ROR1: variants seen among roughly 807,000 people sequenced by gnomAD.
ROR1 encodes the protein ROR family WNT receptor 1.
A neutral mutation model predicts 78.8 loss-of-function variants in ROR1; 19 were observed. That is an observed-to-expected ratio of 0.24 (90% CI 0.17 to 0.35). The LOEUF (loss-of-function observed/expected upper bound fraction) is 0.35, where lower values mean the gene tolerates loss of function less well. Among genes scored for constraint, ROR1 ranks in the 10% least tolerant of loss-of-function variants. The probability of loss-of-function intolerance (pLI) is 1.00; values close to 1 mark genes in which losing one functional copy is unlikely to be tolerated. For synonymous variants in ROR1, 386 were observed against 433.6 expected (o/e 0.89, Z 1.36); for missense variants, 917 against 1,177.8 (o/e 0.78, Z 3.24).
intron 4 of ROR1, among the ~76,000 whole-genome samples, chr1:64,076,029 G>A (rs1237732559): frequency 6.6e-6 from 1 of 152,202 alleles, no homozygotes; most frequent in African/African-American, 2.4e-5. Context: ...GTTACTGTGG[G>A]TCTTCCTGTC....
At chr1:64,146,690 C>T (rs1368140211) in intron 7 of ROR1, among the ~76,000 whole-genome samples, 2 of 146,192 alleles carry the variant, frequency 1.4e-5, no homozygotes, top group Non-Finnish European at 3.1e-5. Flanking sequence ...ACAAATTATA[C>T]CTAAAGTACT....
intron 2 of ROR1, among the ~76,000 whole-genome samples, chr1:64,030,504 T>C (rs2100568422): frequency 6.6e-6 from 1 of 152,296 alleles, no homozygotes; most frequent in South Asian, 2.1e-4. Flanking sequence ...AAACCACATT[T>C]CCAAAAAGTG....
intron 1 of ROR1, among the ~76,000 whole-genome samples, chr1:63,970,702 C>A (rs12074174): frequency 1.3e-3 from 200 of 152,304 alleles, no homozygotes; most frequent in African/African-American, 4.5e-3. Context: ...TCACTGACAG[C>A]GTCTTCTGCC....
At chr1:64,112,321 A>G (rs148421549) in intron 4 of ROR1, 3 of 152,158 alleles carry the variant, frequency 2.0e-5, no homozygotes, top group African/African-American at 2.4e-5. Context: ...GATCCTCATC[A>G]TAACCACATG....
At chr1:63,969,569 C>T (rs1190744672) in intron 1 of ROR1, among the ~76,000 whole-genome samples, 1 of 152,136 alleles carries the variant, frequency 6.6e-6, no homozygotes, top group Admixed American at 6.5e-5. Context: ...CACTTCTCTT[C>T]CCTGCAAACT....
chr1:64,038,019 C>T (rs951386552), intron 2 of ROR1, among the ~76,000 whole-genome samples: 4 of 152,198 alleles, frequency 2.6e-5, no homozygotes, highest in Non-Finnish European at 4.4e-5. Context: ...GAGCATAAAA[C>T]AGCCCTTTCC....
intron 1 of ROR1, among the ~76,000 whole-genome samples, chr1:63,844,774 C>G (rs1343501657): frequency 1.3e-5 from 2 of 152,036 alleles, no homozygotes; most frequent in African/African-American, 4.8e-5. Flanking sequence ...TAAAGCAGCC[C>G]CTTCTAGGCA....
chr1:63,822,052 G>A (rs1220606194), intron 1 of ROR1, among the ~76,000 whole-genome samples: 6 of 152,200 alleles, frequency 3.9e-5, no homozygotes, highest in African/African-American at 1.4e-4. Flanking sequence ...GAAGCTTGCC[G>A]TGATGAATCC....
At chr1:63,842,331 G>A (rs754554792) in intron 1 of ROR1, among the ~76,000 whole-genome samples, 1 of 152,180 alleles carries the variant, frequency 6.6e-6, no homozygotes, top group Non-Finnish European at 1.5e-5. Flanking sequence ...CATAGCAATA[G>A]CAATAGCCAG....
chr1:64,117,454 G>A (rs34464772), intron 4 of ROR1, among the ~76,000 whole-genome samples: 8,897 of 152,088 alleles, frequency 0.058, 349 homozygotes, highest in South Asian at 0.11. Flanking sequence ...ACCAGTGAGC[G>A]GGGGAAGAAT....
chr1:64,055,077 A>G (rs1295680702), intron 4 of ROR1, among the ~76,000 whole-genome samples: 1 of 152,144 alleles, frequency 6.6e-6, no homozygotes, highest in East Asian at 1.9e-4. Context: ...GTAAAGACCT[A>G]TTTCCAAATA....
rs1557606902 is a variant in ROR1, at chr1:64,009,366, A to G, written c.153A>G (p.Glu51=). The part of the protein sequence containing the change: ...VPTSSWNISS[E]LNKDSYLTLD... ...CCTCATCATGGAACATCTCAAGTGA[A>G]CTCAACAAAGGTACACAGTGGGGGC... Residue 51 remains glutamate (E), a synonymous_variant, in exon 2 of 9, where the codon GAA becomes GAG. Transcript: ENST00000371079. 6.2e-7 allele frequency: 1 copy of G among 1,613,226 alleles called. No individual in the cohort carries two copies. The highest frequency in any genetic ancestry group is 1.3e-5 in the African/African-American group (1 of 74,992).
At chr1:63,958,821 T>C (rs1403637114) in intron 1 of ROR1, among the ~76,000 whole-genome samples, 1 of 152,164 alleles carries the variant, frequency 6.6e-6, no homozygotes, top group Non-Finnish European at 1.5e-5. Flanking sequence ...GAAGCATGTG[T>C]CAGCTATCTG....
At chr1:64,167,252 T>G (rs952968971) in intron 8 of ROR1, among the ~76,000 whole-genome samples, 5 of 152,188 alleles carry the variant, frequency 3.3e-5, no homozygotes, top group Admixed American at 2.0e-4. Flanking sequence ...TCTGTCTATT[T>G]CCAGGCAGAA....
intron 7 of ROR1, among the ~76,000 whole-genome samples, chr1:64,147,778 GA>G (rs1649513359): frequency 6.6e-6 from 1 of 152,144 alleles, no homozygotes; most frequent in Non-Finnish European, 1.5e-5. Flanking sequence ...TGAATTCATG[GA>G]AACCAGGTCT....
chr1:64,103,459 A>C (rs1239235318), intron 4 of ROR1, among the ~76,000 whole-genome samples: 1 of 152,174 alleles, frequency 6.6e-6, no homozygotes, highest in African/African-American at 2.4e-5. Context: ...GTTAATCTGC[A>C]GTAGAGGACA....
intron 4 of ROR1, among the ~76,000 whole-genome samples, chr1:64,103,816 A>G (rs1647671158): frequency 6.6e-6 from 1 of 152,180 alleles, no homozygotes; most frequent in Non-Finnish European, 1.5e-5. Context: ...GTTTCTATCT[A>G]AAAGGAGGGA....
intron 1 of ROR1, among the ~76,000 whole-genome samples, chr1:63,824,792 G>A (rs192108215): frequency 1.0e-3 from 152 of 152,108 alleles, no homozygotes; most frequent in Non-Finnish European, 1.7e-3. Context: ...AAGAAAAAAC[G>A]CTTTCCTATC....
chr1:63,921,898 A>T (rs1645658010), intron 1 of ROR1, among the ~76,000 whole-genome samples: 1 of 152,206 alleles, frequency 6.6e-6, no homozygotes, highest in South Asian at 2.1e-4. Context: ...AACACTGCAA[A>T]TGTGCATTTT....
Sources: gnomAD v4.1 joint callset for allele counts (sites outside exome capture counted in the v4.1 genomes callset) on GRCh38, gnomAD v4.1.1 for gene constraint, MANE v1.5 for transcripts, NCBI Gene and HGNC (gene_info 2026-07-23, HGNC 2026-07-21) for gene names.